ATF7IP2: variants seen among roughly 807,000 people sequenced by gnomAD.
The protein encoded by ATF7IP2 is activating transcription factor 7-interacting protein 2.
ATF7IP2 carries 42 observed loss-of-function variants against 64.2 expected under a neutral mutation model. The observed-to-expected ratio is 0.65, with a 90% confidence interval of 0.51 to 0.85. The LOEUF is 0.85. Among genes scored for constraint, ATF7IP2 ranks in the 40% least tolerant of loss-of-function variants. The pLI, the probability that ATF7IP2 is intolerant of heterozygous loss-of-function variation, is 0.00. For synonymous variants in ATF7IP2, 308 were observed against 272.8 expected (o/e 1.13, Z -1.27); for missense variants, 933 against 784.2 (o/e 1.19, Z -2.27).
At chr16:10,461,188 A>T (rs1237927902) in intron 9 of ATF7IP2, among the ~76,000 whole-genome samples, 1 of 152,118 alleles carries the variant, frequency 6.6e-6, no homozygotes, top group Non-Finnish European at 1.5e-5. Context: ...TAAAAATCTG[A>T]CTACTGGGTA....
intron 1 of ATF7IP2, among the ~76,000 whole-genome samples, chr16:10,413,112 T>G (rs1268073700): frequency 6.6e-6 from 1 of 152,202 alleles, no homozygotes; most frequent in African/African-American, 2.4e-5. Context: ...TTCGTATCCA[T>G]TCTGCAAATT....
chr16:10,474,662 G>A (rs1241496470), intron 12 of ATF7IP2, among the ~76,000 whole-genome samples: 1 of 152,140 alleles, frequency 6.6e-6, no homozygotes, highest in African/African-American at 2.4e-5. Flanking sequence ...TTAATGAAAA[G>A]TATAAACCCA....
At chr16:10,410,828 G>A (rs1405531571) in intron 1 of ATF7IP2, among the ~76,000 whole-genome samples, 1 of 152,158 alleles carries the variant, frequency 6.6e-6, no homozygotes, top group Non-Finnish European at 1.5e-5. Context: ...TCCCCATTTA[G>A]TATTATGTTG....
intron 12 of ATF7IP2, 146 bp downstream of exon 12, chr16:10,474,135 T>G (rs1374811682): frequency 1.4e-5 from 8 of 552,200 alleles, no homozygotes; most frequent in Non-Finnish European, 2.6e-5. Context: ...ATGTGCAGAT[T>G]CATGTAACTG....
chr16:10,388,985 C>T (rs2047265906), intron 1 of ATF7IP2, among the ~76,000 whole-genome samples: 1 of 151,328 alleles, frequency 6.6e-6, no homozygotes, highest in Non-Finnish European at 1.5e-5. Flanking sequence ...GCATTCCATC[C>T]TGGGCGACAG....
chr16:10,389,286 T>G (rs1050104043), intron 1 of ATF7IP2, among the ~76,000 whole-genome samples: 2 of 152,170 alleles, frequency 1.3e-5, no homozygotes, highest in Non-Finnish European at 2.9e-5. Context: ...TTATAACAAC[T>G]TAAATATTGA....
chr16:10,431,799 A>C (rs1374564991), intron 5 of ATF7IP2, among the ~76,000 whole-genome samples: 1 of 151,400 alleles, frequency 6.6e-6, no homozygotes, highest in Non-Finnish European at 1.5e-5. Context: ...TGAGTTTTAA[A>C]AATTGTTGGT....
At chr16:10,405,431 G>C (rs1166477577) in intron 1 of ATF7IP2, among the ~76,000 whole-genome samples, 1 of 152,078 alleles carries the variant, frequency 6.6e-6, no homozygotes, top group African/African-American at 2.4e-5. Context: ...AGAGCAAGGT[G>C]GCTGAATGGA....
At chr16:10,416,256 A>G (rs1009554549) in intron 2 of ATF7IP2, among the ~76,000 whole-genome samples, 4 of 152,220 alleles carry the variant, frequency 2.6e-5, no homozygotes, top group Non-Finnish European at 5.9e-5. Context: ...ACACAATAGA[A>G]TACTATTCAG....
At chr16:10,401,486 C>T (rs2047533866) in intron 1 of ATF7IP2, among the ~76,000 whole-genome samples, 1 of 151,992 alleles carries the variant, frequency 6.6e-6, no homozygotes, top group Admixed American at 6.6e-5. Flanking sequence ...TTTTTATGTG[C>T]TGTTAGATTC....
intron 8 of ATF7IP2, chr16:10,447,918 G>A (rs1174955604): frequency 6.6e-6 from 1 of 152,242 alleles, no homozygotes; most frequent in Non-Finnish European, 1.5e-5. Flanking sequence ...TTATGGTTAA[G>A]TCTTTAATCC....
chr16:10,480,098 C>T (rs1170811664), intron 12 of ATF7IP2, among the ~76,000 whole-genome samples: 2 of 148,592 alleles, frequency 1.3e-5, no homozygotes, highest in Non-Finnish European at 3.0e-5. Context: ...AAGCAATTCT[C>T]TGTCTCAGCC....
chr16:10,424,748 C>T (rs2048050552), intron 3 of ATF7IP2, among the ~76,000 whole-genome samples: 1 of 152,164 alleles, frequency 6.6e-6, no homozygotes, highest in Non-Finnish European at 1.5e-5. Context: ...TTCTCAACAT[C>T]ATTAGCCGTC....
intron 9 of ATF7IP2, among the ~76,000 whole-genome samples, chr16:10,459,471 A>G (rs1244816821): frequency 6.6e-6 from 1 of 150,788 alleles, no homozygotes; most frequent in Non-Finnish European, 1.5e-5. Flanking sequence ...CCATCTCAAA[A>G]AGAAAAAAAA....
intron 9 of ATF7IP2, among the ~76,000 whole-genome samples, chr16:10,470,448 C>G (rs559622246): frequency 1.8e-4 from 28 of 152,228 alleles, no homozygotes; most frequent in African/African-American, 6.7e-4. Flanking sequence ...AATTGTATAT[C>G]TATCAATGCC....
chr16:10,412,262 A>T (rs1233039260), intron 1 of ATF7IP2, among the ~76,000 whole-genome samples: 2 of 150,820 alleles, frequency 1.3e-5, no homozygotes, highest in Non-Finnish European at 3.0e-5. Flanking sequence ...TTGAGGTGTG[A>T]CCTTAGATTG....
intron 8 of ATF7IP2, among the ~76,000 whole-genome samples, chr16:10,451,594 C>A (rs536094572): frequency 6.6e-6 from 1 of 152,052 alleles, no homozygotes; most frequent in African/African-American, 2.4e-5. Context: ...GATATCCTTT[C>A]TTCCGCTTGA....
rs143317761 is a variant in ATF7IP2, at chr16:10,450,869, G to A, written c.1195-6503G>A. Among the ~76,000 whole-genome samples, 293 of 152,276 alleles carry A rather than the reference G, an allele frequency of 1.9e-3. 2 individuals carry two copies. The highest frequency in any genetic ancestry group is 6.8e-3 in the African/African-American group (282 of 41,542). ...TGATCCTGTCATTATGATGCTAGCT[G>A]GTTATTTTGCCGGTTAGTTGATGCA... On this transcript the variant is annotated intron_variant, in intron 8 of 13. Coordinates refer to ENST00000562102, the MANE Select transcript of ATF7IP2 (RefSeq NM_001393719.1).
chr16:10,413,023 C>T (rs953885209), intron 1 of ATF7IP2, among the ~76,000 whole-genome samples: 2 of 152,038 alleles, frequency 1.3e-5, no homozygotes, highest in African/African-American at 2.4e-5. Context: ...TGTCTTTTTC[C>T]ACCCCTTTAC....
Sources: gnomAD v4.1 joint callset for allele counts (sites outside exome capture counted in the v4.1 genomes callset) on GRCh38, gnomAD v4.1.1 for gene constraint, MANE v1.5 for transcripts, NCBI Gene and HGNC (gene_info 2026-07-23, HGNC 2026-07-21) for gene names.